PRKCZ: variants seen among roughly 807,000 people sequenced by gnomAD.
PRKCZ encodes protein kinase C zeta type.
PRKCZ carries 33 observed loss-of-function variants against 79.5 expected under a neutral mutation model. The observed-to-expected ratio is 0.41, with a 90% CI of 0.31 to 0.55. The LOEUF (loss-of-function observed/expected upper bound fraction) is 0.55, where lower values mean the gene tolerates loss of function less well. Ranked by LOEUF, PRKCZ falls within the 20% of genes least tolerant of loss-of-function variation. The pLI, the probability that PRKCZ is intolerant of heterozygous loss-of-function variation, is 0.19. For synonymous variants in PRKCZ, 342 were observed against 320.9 expected (o/e 1.07, Z -0.70); for missense variants, 578 against 813.5 (o/e 0.71, Z 3.52).
At chr1:2,129,901 G>GTTTGT (rs1553158499) in intron 4 of PRKCZ, among the ~76,000 whole-genome samples, 1 of 152,064 alleles carries the variant, frequency 6.6e-6, no homozygotes, top group Non-Finnish European at 1.5e-5. Context: ...TTTTTTGTTT[G>GTTTGT]TTTGTTTTGT....
chr1:2,110,470 C>A (rs1458168735), intron 4 of PRKCZ, among the ~76,000 whole-genome samples: 1 of 141,286 alleles, frequency 7.1e-6, no homozygotes, highest in East Asian at 2.0e-4. Context: ...ATGGGGGAAA[C>A]AGAGACTCCT....
chr1:2,183,458 TGA>T, intron 16 of PRKCZ: 1 of 148,702 alleles, frequency 6.7e-6, no homozygotes, highest in East Asian at 2.0e-4. Flanking sequence ...AGCGAGGGAG[TGA>T]GAGGGTGAAT....
chr1:2,095,100 C>G (rs1041702980), intron 4 of PRKCZ, among the ~76,000 whole-genome samples: 1 of 152,156 alleles, frequency 6.6e-6, no homozygotes, highest in African/African-American at 2.4e-5. Context: ...GTTTGCTGGT[C>G]CCCTGGGAGT....
At chr1:2,146,835 A>G (rs902727828) in intron 7 of PRKCZ, among the ~76,000 whole-genome samples, 10 of 152,142 alleles carry the variant, frequency 6.6e-5, no homozygotes, top group Non-Finnish European at 1.3e-4. Flanking sequence ...CTGCCTGCCC[A>G]CCTGCTCCTC....
At chr1:2,131,378 G>T (rs1474779120) in intron 4 of PRKCZ, among the ~76,000 whole-genome samples, 1 of 152,208 alleles carries the variant, frequency 6.6e-6, no homozygotes, top group Non-Finnish European at 1.5e-5. Context: ...GCCGAAGTGG[G>T]CATATCGCCT....
intron 4 of PRKCZ, among the ~76,000 whole-genome samples, chr1:2,072,159 G>A (rs1189743000): frequency 6.6e-6 from 1 of 152,254 alleles, no homozygotes; most frequent in Non-Finnish European, 1.5e-5. Flanking sequence ...TCATGCAGCT[G>A]GTCAGCCGCC....
chr1:2,107,939 A>G (rs191981580), intron 4 of PRKCZ, among the ~76,000 whole-genome samples: 59 of 148,406 alleles, frequency 4.0e-4, no homozygotes, highest in Admixed American at 8.7e-4. Flanking sequence ...CGGCAGTGTC[A>G]AGGGAGCCCC....
In PRKCZ at chr1:2,137,148, C is replaced by T. The variant is rs958142952; in HGVS notation, c.420+1801C>T. Among the ~76,000 whole-genome samples the T allele has an allele frequency of 5.9e-5, 9 of 152,154 alleles. No individual in the cohort carries two copies. The South Asian group carries it at 6.2e-4, about 11-fold the overall frequency. ...CCCCCGGCAAACCACTAATAAGTCCCGGAGTCTAAAGGCCCAAGAACCTGG... is the reference window on the plus strand; with the variant it reads ...CCCCCGGCAAACCACTAATAAGTCCTGGAGTCTAAAGGCCCAAGAACCTGG... On this transcript the variant is annotated intron_variant, in intron 5 of 17. Transcript: ENST00000378567.
At chr1:2,108,304 G>A (rs1354927524) in intron 4 of PRKCZ, among the ~76,000 whole-genome samples, 2 of 152,246 alleles carry the variant, frequency 1.3e-5, no homozygotes, top group African/African-American at 4.8e-5. Flanking sequence ...ACCTCCTCCA[G>A]GAAGCCTGCC....
intron 4 of PRKCZ, among the ~76,000 whole-genome samples, chr1:2,118,715 G>C (rs930961828): frequency 4.4e-5 from 6 of 136,742 alleles, no homozygotes; most frequent in Non-Finnish European, 9.4e-5. Context: ...CACCAGCTCT[G>C]TGTGTGTGTG....
Position 2,174,894 on chromosome 1 carries a change from G to A in PRKCZ, c.1485+61G>A, listed in dbSNP as rs1685139328. 6.5e-7 allele frequency: 1 copy of A among 1,536,138 alleles called. No individual in the cohort carries two copies. The highest frequency in any genetic ancestry group is 1.4e-5 in the African/African-American group (1 of 73,162). Reference sequence around the variant, plus strand: ...TGGCCTCGGTGTTGGTGGGCAGAGGGCCAGGCACGGCTGTTGGCCATTTTT... The same window carrying A: ...TGGCCTCGGTGTTGGTGGGCAGAGGACCAGGCACGGCTGTTGGCCATTTTT... On this transcript the variant is annotated intron_variant, in intron 15 of 17. Coordinates refer to ENST00000378567, the MANE Select transcript of PRKCZ (RefSeq NM_002744.6). The surrounding 1 kb of genome is among the most constrained non-coding windows in gnomAD (Gnocchi z 6.2).
At chr1:2,167,472 C>T (rs574872460) in intron 10 of PRKCZ, among the ~76,000 whole-genome samples, 234 of 152,174 alleles carry the variant, frequency 1.5e-3, no homozygotes, top group Admixed American at 2.3e-3. Flanking sequence ...GGCGCCGCAG[C>T]AGCACTGTTG....
chr1:2,074,248 A>G, intron 4 of PRKCZ: 1 of 1,550,340 alleles, frequency 6.5e-7, no homozygotes, highest in South Asian at 1.2e-5. Context: ...GGGCTGCTGG[A>G]GGGACATGCT....
intron 8 of PRKCZ, among the ~76,000 whole-genome samples, chr1:2,150,227 G>A (rs1013918533): frequency 1.3e-5 from 2 of 149,382 alleles, no homozygotes; most frequent in Admixed American, 6.7e-5. Flanking sequence ...CCAAGGAACC[G>A]CCTCCTCCAC....
chr1:2,143,025 C>CTT lies in PRKCZ; in HGVS notation c.421-1165_421-1164dup, dbSNP rs1171233546. Reference sequence around the variant, plus strand: ...TTCACAGTACACTGTATTTCCTCTTCTTTTTTTTTTTTTTTTTTTTTGAGA... The same window carrying CTT: ...TTCACAGTACACTGTATTTCCTCTTCTTTTTTTTTTTTTTTTTTTTTTTGAGA... On this transcript the variant is annotated intron_variant, in intron 5 of 17. Transcript: ENST00000378567. 2.3e-3 allele frequency: 280 copies of CTT among 123,246 alleles called. 5 individuals carry two copies. The highest frequency in any genetic ancestry group is 9.5e-3 in the Middle Eastern group (2 of 210). The allele number at this position is 123,246 out of a possible 1,614,324, so 7.6% of individuals were successfully genotyped here.
intron 5 of PRKCZ, among the ~76,000 whole-genome samples, chr1:2,139,550 C>T (rs545332890): frequency 6.6e-6 from 1 of 152,304 alleles, no homozygotes; most frequent in African/African-American, 2.4e-5. Context: ...GATGGCACCA[C>T]TGCACTCCAG....
At chr1:2,148,171 C>T (rs1180205600) in intron 7 of PRKCZ, among the ~76,000 whole-genome samples, 1 of 151,410 alleles carries the variant, frequency 6.6e-6, no homozygotes, top group East Asian at 1.9e-4. Flanking sequence ...ACCTGTCCAC[C>T]CATCTGTCTG....
intron 4 of PRKCZ, among the ~76,000 whole-genome samples, chr1:2,087,991 G>A (rs569766121): frequency 6.6e-6 from 1 of 152,362 alleles, no homozygotes; most frequent in East Asian, 1.9e-4. Context: ...CGTGCTGGCC[G>A]CCTGGACACT....
chr1:2,106,662 G>A (rs12745429), intron 4 of PRKCZ, among the ~76,000 whole-genome samples: 12 of 64,910 alleles, frequency 1.8e-4, no homozygotes, highest in African/African-American at 4.6e-4. Context: ...GGACCTCCAC[G>A]TGTGTCACCA....
Sources: allele counts gnomAD v4.1 joint callset (sites outside exome capture counted in the v4.1 genomes callset), GRCh38; gene constraint gnomAD v4.1.1; non-coding constraint Gnocchi (gnomAD v3.1); transcripts MANE v1.5; gene names NCBI Gene and HGNC (gene_info 2026-07-23, HGNC 2026-07-21).